NEBL: variants seen among roughly 807,000 people sequenced by gnomAD.
The protein encoded by NEBL is LIM and SH3 protein 2.
A neutral mutation model predicts 140.2 loss-of-function variants in NEBL; 122 were observed. That is an observed-to-expected ratio of 0.87 (90% CI 0.75 to 1.01). The LOEUF (loss-of-function observed/expected upper bound fraction) is 1.01, where lower values mean the gene tolerates loss of function less well. Ranked by LOEUF, NEBL falls within the 50% of genes least tolerant of loss-of-function variation. The pLI, the probability that NEBL is intolerant of heterozygous loss-of-function variation, is 0.00. For missense variants in NEBL, 1,365 were observed against 1,231.3 expected (o/e 1.11, Z -1.62); for synonymous variants, 436 against 398.9 (o/e 1.09, Z -1.11).
chr10:20,834,325 G>A (rs988706196), intron 14 of NEBL, among the ~76,000 whole-genome samples: 3 of 152,068 alleles, frequency 2.0e-5, no homozygotes, highest in Admixed American at 2.0e-4. Flanking sequence ...CTATCTCTCA[G>A]GACGAGAACA....
At chr10:20,934,644 C>T (rs1055417818) in intron 4 of NEBL, among the ~76,000 whole-genome samples, 4 of 152,130 alleles carry the variant, frequency 2.6e-5, no homozygotes, top group South Asian at 2.1e-4. Context: ...AGGTGCTAGA[C>T]AGAAGGGGCC....
intron 5 of NEBL, among the ~76,000 whole-genome samples, chr10:20,876,268 T>A (rs1443256075): frequency 6.6e-6 from 1 of 152,226 alleles, no homozygotes; most frequent in Non-Finnish European, 1.5e-5. Flanking sequence ...TGTTTATAAA[T>A]CTATAGTTGA....
chr10:21,188,554 T>TGC (rs1564539664), intron 3 of NEBL, among the ~76,000 whole-genome samples: 3 of 151,562 alleles, frequency 2.0e-5, no homozygotes, highest in East Asian at 1.9e-4. Flanking sequence ...AATGTGAACA[T>TGC]GCAAAAATGA....
At chr10:21,175,802 T>G (rs1288990478), upstream of NEBL, among the ~76,000 whole-genome samples, 1 of 152,230 alleles carries the variant, frequency 6.6e-6, no homozygotes. Context: ...AAAAAAAGTA[T>G]GTGATCGCCT....
chr10:21,008,958 C>T (rs1171031192), intron 3 of NEBL, among the ~76,000 whole-genome samples: 1 of 151,332 alleles, frequency 6.6e-6, no homozygotes, highest in Admixed American at 6.6e-5. Flanking sequence ...ATATAAAAAA[C>T]CCATATACAT....
At chr10:20,832,592 C>T (rs1051904531) in intron 14 of NEBL, among the ~76,000 whole-genome samples, 1 of 151,172 alleles carries the variant, frequency 6.6e-6, no homozygotes, top group Admixed American at 6.6e-5. Context: ...GTATATTATT[C>T]TTCAAAGAAA....
At chr10:20,907,261 G>A (rs192876559) in intron 4 of NEBL, among the ~76,000 whole-genome samples, 3 of 151,950 alleles carry the variant, frequency 2.0e-5, no homozygotes, top group African/African-American at 4.8e-5. Context: ...TCTTCAGTGT[G>A]GAAATGTATT....
At position 20,897,017 on chromosome 10, in the gene NEBL, GCTTATAGAAGA is replaced by G. The variant is rs779723453; in HGVS notation, c.83_93del (p.Val28AlafsTer4). 6.2e-7 allele frequency: 1 copy of G among 1,612,906 alleles called. No homozygotes were observed. The highest frequency in any genetic ancestry group is 1.1e-5 in the South Asian group (1 of 91,024). On this transcript the variant is annotated frameshift_variant and splice_region_variant, in exon 2 of 28. Coordinates refer to ENST00000377122, the MANE Select transcript of NEBL (RefSeq NM_006393.3). LOFTEE classifies it high-confidence loss of function. ...TCCATGCTTAAGTCTTCAATAACAG[GCTTATAGAAGA>G]CCTATTTGAAAAAAAAGAAAAGAAC...
intron 1 of NEBL, among the ~76,000 whole-genome samples, chr10:21,261,741 C>T (rs1842741541): frequency 6.6e-6 from 1 of 152,090 alleles, no homozygotes; most frequent in African/African-American, 2.4e-5. Context: ...TTCTAGCCTT[C>T]AATAAAGGAT....
At position 21,229,026 on chromosome 10, in the gene NEBL, CAT is replaced by C. The variant is rs564976348; in HGVS notation, n.348+18893_348+18894del. Among the ~76,000 whole-genome samples, 163 of 151,718 alleles carry C rather than the reference CAT, an allele frequency of 1.1e-3. 2 individuals are homozygous for C. Among genetic ancestry groups the C allele is most frequent in the African/African-American group, 3.8e-3 (157 of 41,382 alleles). ...AGAGCTCCCACCAACCCATAGTGGA[CAT>C]AGAGTGTAAGTGGGAAAAAAAAAAA... is the stretch of plus-strand genomic sequence containing the variant. On this transcript the variant is annotated intron_variant and non_coding_transcript_variant, in intron 3 of 8. Coordinates refer to the NEBL transcript ENST00000675702.
intron 3 of NEBL, among the ~76,000 whole-genome samples, chr10:21,010,423 T>A (rs1048100870): frequency 4.8e-5 from 7 of 146,532 alleles, no homozygotes; most frequent in African/African-American, 1.9e-4. Flanking sequence ...TTTTTAATTT[T>A]TTTTTTTTTT....
At chr10:21,184,199 T>C (rs1018494357) in intron 3 of NEBL, among the ~76,000 whole-genome samples, 5 of 152,246 alleles carry the variant, frequency 3.3e-5, no homozygotes, top group African/African-American at 9.6e-5. Flanking sequence ...TGTTTTCCTA[T>C]TTCTCTGATC....
chr10:21,228,609 T>C (rs935176794), intron 3 of NEBL, among the ~76,000 whole-genome samples: 1 of 152,136 alleles, frequency 6.6e-6, no homozygotes, highest in African/African-American at 2.4e-5. Context: ...AAAAGCAAAA[T>C]AATTTTATTA....
chr10:20,850,249 A>T, intron 11 of NEBL, 146 bp downstream of exon 11: 3 of 670,792 alleles, frequency 4.5e-6, no homozygotes, highest in Middle Eastern at 2.7e-4. Context: ...GATCCCAGGC[A>T]GTGGGTGGCT....
At chr10:21,167,502 C>T (rs1180998450) in intron 2 of NEBL, among the ~76,000 whole-genome samples, 1 of 152,076 alleles carries the variant, frequency 6.6e-6, no homozygotes, top group Non-Finnish European at 1.5e-5. Flanking sequence ...TTGGTGGCAC[C>T]CCAGACCTAA....
At chr10:21,162,433 G>A (rs887878040) in intron 2 of NEBL, among the ~76,000 whole-genome samples, 1 of 152,156 alleles carries the variant, frequency 6.6e-6, no homozygotes, top group Non-Finnish European at 1.5e-5. Context: ...CTTGAAGTGA[G>A]AGCAAATTTG....
At chr10:20,826,661 T>C in intron 17 of NEBL, 122 bp from the exon 18 acceptor site, 1 of 771,958 alleles carries the variant, frequency 1.3e-6, no homozygotes, top group South Asian at 1.5e-5. Flanking sequence ...TATTTATGAG[T>C]GCCGGAATTA....
intron 19 of NEBL, among the ~76,000 whole-genome samples, chr10:20,821,525 C>T (rs1384247999): frequency 6.6e-6 from 1 of 152,086 alleles, no homozygotes; most frequent in East Asian, 1.9e-4. Context: ...CAATGTTATA[C>T]TTTTTCATTA....
chr10:20,925,767 G>T (rs1471631084), intron 4 of NEBL, among the ~76,000 whole-genome samples: 1 of 151,422 alleles, frequency 6.6e-6, no homozygotes, highest in East Asian at 1.9e-4. Context: ...TGGAGTAGAG[G>T]TCAGCCATAT....
Sources: allele counts gnomAD v4.1 joint callset (sites outside exome capture counted in the v4.1 genomes callset), GRCh38; gene constraint gnomAD v4.1.1; transcripts MANE v1.5; gene names NCBI Gene and HGNC (gene_info 2026-07-23, HGNC 2026-07-21).